Variants in NRG2 observed in about 807,000 individuals in gnomAD.
NRG2 encodes the protein neuregulin 2, also known as pro-neuregulin-2, membrane-bound isoform.
NRG2 carries 27 observed loss-of-function variants against 73.9 expected under a neutral mutation model. That is an observed-to-expected ratio of 0.37 (90% CI 0.27 to 0.50). The LOEUF (loss-of-function observed/expected upper bound fraction) is 0.50. NRG2 is among the 20% of genes least tolerant of loss of function. The pLI is 0.96. For missense variants in NRG2, 1,126 were observed against 1,210.1 expected (o/e 0.93, Z 1.03); for synonymous variants, 532 against 541.0 (o/e 0.98, Z 0.23).
chr5:139,867,799 TGA>T (rs1554101298), intron 4 of NRG2, among the ~76,000 whole-genome samples: 3 of 79,722 alleles, frequency 3.8e-5, no homozygotes, highest in East Asian at 3.1e-4. Context: ...TGTGTGTGTA[TGA>T]GTGTGTGTGT....
At chr5:140,039,291 A>G (rs1339520695) in intron 1 of NRG2, among the ~76,000 whole-genome samples, 1 of 152,238 alleles carries the variant, frequency 6.6e-6, no homozygotes, top group Non-Finnish European at 1.5e-5. Context: ...TTTGCAGAAC[A>G]TGATGTTTTT....
At chr5:139,918,525 C>T (rs78883599) in intron 1 of NRG2, among the ~76,000 whole-genome samples, 14 of 152,250 alleles carry the variant, frequency 9.2e-5, no homozygotes, top group African/African-American at 3.4e-4. Flanking sequence ...AGCGCATTAC[C>T]ATCTTCACAT....
In NRG2 at chr5:139,865,093, GAA is replaced by G. The variant is rs572376913; in HGVS notation, c.1189+454_1189+455del. On this transcript the variant is annotated intron_variant, in intron 5 of 9. Coordinates refer to ENST00000361474, the MANE Select transcript of NRG2 (RefSeq NM_004883.3). The surrounding 1 kb of genome is among the most constrained non-coding windows in gnomAD (Gnocchi z 5.2). ...GACTGTCAGTCACCAGGGAAGAGAA[GAA>G]ATAGAAGAAAGAGACATACTGGAGA... The G allele has an allele frequency of 1.0e-4, 165 of 1,604,798 alleles. 2 individuals are homozygous for G. The South Asian group carries it at 1.7e-3, about 16-fold the overall frequency.
At chr5:139,890,574 T>C (rs535659714) in intron 1 of NRG2, among the ~76,000 whole-genome samples, 1 of 151,874 alleles carries the variant, frequency 6.6e-6, no homozygotes, top group Non-Finnish European at 1.5e-5. Context: ...ACTGAAATCC[T>C]GCTTTATCTT....
At chr5:140,020,044 T>A (rs745572856) in intron 1 of NRG2, among the ~76,000 whole-genome samples, 1 of 152,336 alleles carries the variant, frequency 6.6e-6, no homozygotes, top group Non-Finnish European at 1.5e-5. Flanking sequence ...TGAGCCACCA[T>A]GCCCAGCTGG....
At chr5:139,985,989 G>C (rs1211037027) in intron 1 of NRG2, among the ~76,000 whole-genome samples, 1 of 152,104 alleles carries the variant, frequency 6.6e-6, no homozygotes, top group African/African-American at 2.4e-5. Flanking sequence ...GCTATATTTA[G>C]GCCACTGGGA....
intron 1 of NRG2, among the ~76,000 whole-genome samples, chr5:139,962,847 C>A (rs557416914): frequency 6.6e-6 from 1 of 152,330 alleles, no homozygotes; most frequent in African/African-American, 2.4e-5. Flanking sequence ...TACTCTGCCT[C>A]TTGCCCCAGG....
chr5:139,948,834 A>G (rs1753985083), intron 1 of NRG2, among the ~76,000 whole-genome samples: 1 of 152,192 alleles, frequency 6.6e-6, no homozygotes, highest in Non-Finnish European at 1.5e-5. Flanking sequence ...AACTGGTAGA[A>G]TCTGAGAAGT....
intron 1 of NRG2, among the ~76,000 whole-genome samples, chr5:139,942,744 C>T (rs182871859): frequency 1.3e-5 from 2 of 152,338 alleles, no homozygotes; most frequent in East Asian, 1.9e-4. Flanking sequence ...TTTATTTTCT[C>T]TGTACACAGT....
chr5:139,998,832 G>T (rs1561741356), intron 1 of NRG2, among the ~76,000 whole-genome samples: 1 of 152,176 alleles, frequency 6.6e-6, no homozygotes, highest in Non-Finnish European at 1.5e-5. Flanking sequence ...AATAGGGGAA[G>T]ATAGGAAGAG....
chr5:139,971,722 C>T (rs1755984330), intron 1 of NRG2, among the ~76,000 whole-genome samples: 2 of 152,114 alleles, frequency 1.3e-5, no homozygotes, highest in East Asian at 3.8e-4. Context: ...AAGAAACGTG[C>T]AGGATCTATC....
intron 1 of NRG2, among the ~76,000 whole-genome samples, chr5:139,956,521 C>T (rs143366259): frequency 1.5e-3 from 228 of 152,256 alleles, no homozygotes; most frequent in Middle Eastern, 6.8e-3. Flanking sequence ...GGGTCCCCAG[C>T]GCAGGCTTCT....
intron 1 of NRG2, among the ~76,000 whole-genome samples, chr5:139,949,747 G>C (rs1754054649): frequency 6.6e-6 from 1 of 152,176 alleles, no homozygotes; most frequent in African/African-American, 2.4e-5. Flanking sequence ...ACACATAAAT[G>C]GTTACTTCTA....
At chr5:139,886,828 T>G (rs1763903642) in intron 2 of NRG2, among the ~76,000 whole-genome samples, 1 of 152,238 alleles carries the variant, frequency 6.6e-6, no homozygotes, top group African/African-American at 2.4e-5. Context: ...GGAAACCGTC[T>G]GAGGAACAGA....
At chr5:140,007,568 G>C (rs1197789550) in intron 1 of NRG2, among the ~76,000 whole-genome samples, 1 of 152,052 alleles carries the variant, frequency 6.6e-6, no homozygotes, top group African/African-American at 2.4e-5. Context: ...AGGCCTGTCT[G>C]TACATTCTCC....
intron 1 of NRG2, among the ~76,000 whole-genome samples, chr5:139,966,069 G>T (rs897471086): frequency 1.3e-5 from 2 of 151,936 alleles, no homozygotes; most frequent in African/African-American, 4.8e-5. Context: ...ATTTACTATG[G>T]TATCCCCAGT....
chr5:139,967,165 C>T (rs1054510662), intron 1 of NRG2, among the ~76,000 whole-genome samples: 9 of 152,134 alleles, frequency 5.9e-5, no homozygotes, highest in African/African-American at 2.2e-4. Context: ...AGGCAATGGC[C>T]GGTGCTGGGG....
In NRG2 at chr5:139,904,331, T is replaced by C; in HGVS notation, c.701-16820A>G. ...CCTTTCTCCCCGGGATCGGGCTCCC[T>C]CTCCCGCTTCCTCCCCTCTGGGTGC... is the stretch of plus-strand genomic sequence containing the variant. On this transcript the variant is annotated intron_variant, in intron 1 of 9. Transcript: ENST00000361474. This position sits in a 1 kb window ranked among gnomAD's most constrained non-coding sequence, Gnocchi z 6.0. 6.3e-7 allele frequency: 1 copy of C among 1,591,876 alleles called. No individual in the cohort carries two copies. Among genetic ancestry groups the C allele is most frequent in the Non-Finnish European group, 8.5e-7 (1 of 1,177,316 alleles).
chr5:139,943,210 G>T (rs996278216), intron 1 of NRG2, among the ~76,000 whole-genome samples: 1 of 151,792 alleles, frequency 6.6e-6, no homozygotes, highest in Non-Finnish European at 1.5e-5. Flanking sequence ...GCAATGGCGC[G>T]ATCTCGGCTC....
Sources: allele counts gnomAD v4.1 joint callset (sites outside exome capture counted in the v4.1 genomes callset), GRCh38; gene constraint gnomAD v4.1.1; non-coding constraint Gnocchi (gnomAD v3.1); transcripts MANE v1.5; gene names NCBI Gene and HGNC (gene_info 2026-07-23, HGNC 2026-07-21).